Variants in DCC observed in about 807,000 individuals in gnomAD.
The protein encoded by DCC is netrin receptor DCC.
Under a neutral mutation model 172.5 loss-of-function variants are expected in DCC, and 58 were observed. The observed-to-expected ratio is 0.34, with a 90% confidence interval of 0.27 to 0.42. The LOEUF (loss-of-function observed/expected upper bound fraction) is 0.42, where lower values mean the gene tolerates loss of function less well. Among genes scored for constraint, DCC ranks in the 10% least tolerant of loss-of-function variants. The probability of loss-of-function intolerance (pLI) is 1.00; values close to 1 mark genes in which losing one functional copy is unlikely to be tolerated. For synonymous variants in DCC, 709 were observed against 644.5 expected, an observed-to-expected ratio of 1.10 and a Z score of -1.52; for missense variants, 1,740 against 1,791.0, an observed-to-expected ratio of 0.97 and a Z score of 0.51.
chr18:53,526,729 G>A lies in DCC; in HGVS notation c.4224G>A (p.Glu1408=), dbSNP rs1187710231. 3 of 1,613,442 alleles carry A rather than the reference G, an allele frequency of 1.9e-6. No homozygotes were observed. The highest frequency in any genetic ancestry group is 2.5e-6 in the Non-Finnish European group (3 of 1,179,648). The change falls in exon 28 of 29, where the codon GAG becomes GAA. Residue 1408 remains glutamate (E), a synonymous_variant. Transcript: ENST00000442544. The stretch of plus-strand genomic sequence containing the variant: ...CAACAGCCCCTGAAGTGTCTGAGGA[G>A]AGCCACAAACCAACAGAGGATTCAG... ...SVPTAPEVSE[E]SHKPTEDSAN...
chr18:52,644,578 C>CAAAAAAA (rs34472651), intron 1 of DCC, among the ~76,000 whole-genome samples: 3 of 112,994 alleles, frequency 2.7e-5, no homozygotes, highest in African/African-American at 1.0e-4. Flanking sequence ...GACTCCGTCT[C>CAAAAAAA]AAAAAAAAAA....
chr18:52,781,358 G>A (rs9951083), intron 2 of DCC, among the ~76,000 whole-genome samples: 8,042 of 152,134 alleles, frequency 0.053, 287 homozygotes, highest in South Asian at 0.16. Flanking sequence ...TTCAGTTCAA[G>A]GTACTTTGGG....
intron 7 of DCC, among the ~76,000 whole-genome samples, chr18:53,070,901 G>A (rs561446707): frequency 5.9e-5 from 9 of 152,180 alleles, no homozygotes; most frequent in African/African-American, 1.9e-4. Context: ...CACAGGCCGC[G>A]TGCACAGATG....
chr18:53,229,223 G>T (rs1415323992), intron 12 of DCC, among the ~76,000 whole-genome samples: 3 of 152,090 alleles, frequency 2.0e-5, no homozygotes, highest in African/African-American at 7.2e-5. Flanking sequence ...TGACATCCTG[G>T]TATAATATGC....
At chr18:53,195,953 A>T (rs531676589) in intron 9 of DCC, among the ~76,000 whole-genome samples, 1 of 152,306 alleles carries the variant, frequency 6.6e-6, no homozygotes, top group East Asian at 1.9e-4. Flanking sequence ...ATAAAAGTTC[A>T]TAGTTCTAGA....
chr18:52,523,813 TAA>T (rs1261323501), intron 1 of DCC, among the ~76,000 whole-genome samples: 1 of 152,230 alleles, frequency 6.6e-6, no homozygotes, highest in Non-Finnish European at 1.5e-5. Context: ...GTTTGTTTAT[TAA>T]TACCAGCAGG....
chr18:53,056,341 C>G (rs2042403679), intron 5 of DCC, among the ~76,000 whole-genome samples: 1 of 152,072 alleles, frequency 6.6e-6, no homozygotes, highest in Non-Finnish European at 1.5e-5. Flanking sequence ...CCACCAGATC[C>G]CTTTCTCAAC....
At chr18:53,212,026 C>A (rs1249629257) in intron 11 of DCC, among the ~76,000 whole-genome samples, 3 of 152,094 alleles carry the variant, frequency 2.0e-5, no homozygotes, top group African/African-American at 7.2e-5. Context: ...CCAGCCTGGG[C>A]AACAGAGAGA....
At chr18:52,459,690 C>T (rs1260323002) in intron 1 of DCC, among the ~76,000 whole-genome samples, 1 of 151,856 alleles carries the variant, frequency 6.6e-6, no homozygotes, top group African/African-American at 2.4e-5. Context: ...AGGATGGTCT[C>T]GATCTCCTGA....
intron 2 of DCC, among the ~76,000 whole-genome samples, chr18:52,804,274 A>G (rs2145233302): frequency 6.6e-6 from 1 of 152,182 alleles, no homozygotes; most frequent in South Asian, 2.1e-4. Context: ...TTTCTTTTTA[A>G]CGAAGGAAGA....
chr18:53,268,578 A>G (rs542140416), intron 12 of DCC, among the ~76,000 whole-genome samples: 2 of 152,174 alleles, frequency 1.3e-5, no homozygotes, highest in Admixed American at 1.3e-4. Context: ...TTGCAATGCT[A>G]TTCTCATTCC....
At chr18:53,205,475 A>C in intron 10 of DCC, 111 bp downstream of exon 10, 1 of 1,000,498 alleles carries the variant, frequency 1.0e-6, no homozygotes, top group Non-Finnish European at 1.6e-6. Flanking sequence ...GAAACAGCCC[A>C]GTGTTAACAC....
At chr18:52,757,807 G>GGT in intron 2 of DCC, among the ~76,000 whole-genome samples, 1 of 152,098 alleles carries the variant, frequency 6.6e-6, no homozygotes, top group Non-Finnish European at 1.5e-5. Context: ...TGTGATTTAA[G>GGT]TACCCAAATT....
intron 2 of DCC, among the ~76,000 whole-genome samples, chr18:52,863,911 C>T (rs2039181891): frequency 6.6e-6 from 1 of 152,026 alleles, no homozygotes; most frequent in South Asian, 2.1e-4. Flanking sequence ...AGCAGACTTA[C>T]TTTATTAAGC....
At chr18:53,529,034 TCTCTCACACACACA>T (rs1242040853) in intron 28 of DCC, among the ~76,000 whole-genome samples, 7 of 64,462 alleles carry the variant, frequency 1.1e-4, no homozygotes, top group Middle Eastern at 6.9e-3. Context: ...TCTCTCTCTC[TCTCTCACACACACA>T]CACACACACA....
At chr18:52,520,459 A>C (rs1358141866) in intron 1 of DCC, among the ~76,000 whole-genome samples, 1 of 152,188 alleles carries the variant, frequency 6.6e-6, no homozygotes, top group Non-Finnish European at 1.5e-5. Context: ...GCTGTGTGGA[A>C]ACCATTGTTG....
intron 1 of DCC, among the ~76,000 whole-genome samples, chr18:52,387,167 A>G (rs1286124021): frequency 6.6e-6 from 1 of 152,150 alleles, no homozygotes; most frequent in Non-Finnish European, 1.5e-5. Flanking sequence ...ACTATTGATC[A>G]TGTTCTTTGC....
intron 1 of DCC, among the ~76,000 whole-genome samples, chr18:52,583,271 T>G (rs529154132): frequency 3.9e-5 from 6 of 152,204 alleles, no homozygotes; most frequent in African/African-American, 7.2e-5. Flanking sequence ...ATAAAAACAC[T>G]GGAGAGAAGT....
intron 1 of DCC, among the ~76,000 whole-genome samples, chr18:52,724,039 C>A (rs1221645817): frequency 6.6e-6 from 1 of 152,190 alleles, no homozygotes; most frequent in Non-Finnish European, 1.5e-5. Flanking sequence ...CAGAAAGGGG[C>A]AATAGTGAGT....
Sources: allele counts gnomAD v4.1 joint callset (sites outside exome capture counted in the v4.1 genomes callset), GRCh38; gene constraint gnomAD v4.1.1; transcripts MANE v1.5; gene names NCBI Gene and HGNC (gene_info 2026-07-23, HGNC 2026-07-21).